Variants in AMPH observed in about 807,000 individuals in gnomAD.
The protein encoded by AMPH is amphiphysin (Stiff-Mann syndrome with breast cancer 128kD autoantigen).
In AMPH, 49 loss-of-function variants were observed where a neutral mutation model predicts 99.1. The observed-to-expected ratio is 0.49, with a 90% CI of 0.39 to 0.63. AMPH has a LOEUF of 0.63. Ranked by LOEUF, AMPH falls within the 20% of genes least tolerant of loss-of-function variation. The pLI, the probability that AMPH is intolerant of heterozygous loss-of-function variation, is 0.00. For missense variants in AMPH, 759 were observed against 863.4 expected (o/e 0.88, Z 1.52); for synonymous variants, 314 against 317.3 (o/e 0.99, Z 0.11).
chr7:38,540,692 CAAA>C (rs373768495), intron 1 of AMPH, among the ~76,000 whole-genome samples: 5 of 19,748 alleles, frequency 2.5e-4, no homozygotes, highest in African/African-American at 7.1e-4. Flanking sequence ...TGACCCCAAG[CAAA>C]AAAAAAAAAA....
intron 2 of AMPH, among the ~76,000 whole-genome samples, chr7:38,517,776 T>C (rs113641469): frequency 2.0e-5 from 3 of 152,270 alleles, no homozygotes; most frequent in East Asian, 1.9e-4. Flanking sequence ...AGCCTGACTA[T>C]GTAAAGAATA....
chr7:38,533,285 C>A (rs990656531), intron 2 of AMPH, among the ~76,000 whole-genome samples: 1 of 152,176 alleles, frequency 6.6e-6, no homozygotes, highest in Non-Finnish European at 1.5e-5. Flanking sequence ...AGCCAAAGCT[C>A]TCTGTAATAT....
At chr7:38,541,233 C>T (rs1429708246) in intron 1 of AMPH, among the ~76,000 whole-genome samples, 2 of 151,930 alleles carry the variant, frequency 1.3e-5, no homozygotes, top group Non-Finnish European at 2.9e-5. Flanking sequence ...CTGTGCTCAC[C>T]CTAACACTAC....
chr7:38,503,553 C>A lies in AMPH; in HGVS notation c.205+97G>T. 8.8e-6 allele frequency: 11 copies of A among 1,255,478 alleles called. No homozygotes were observed. In the South Asian group the frequency reaches 1.3e-4, roughly 14 times the overall value. 77.8% of individuals were successfully genotyped at this position (1,255,478 alleles called of 1,614,324 possible). On this transcript the variant is annotated intron_variant, in intron 3 of 20. Coordinates refer to ENST00000356264, the MANE Select transcript of AMPH (RefSeq NM_001635.4). ...TTCAAGCATCCATCTTGCCAGGAAG[C>A]CAAATGGCTTTGTAATTAACACTCA...
intron 2 of AMPH, among the ~76,000 whole-genome samples, chr7:38,522,084 A>G (rs1404084487): frequency 4.6e-5 from 7 of 152,188 alleles, no homozygotes. Context: ...GAGGTGGAGA[A>G]AAAAGAGACC....
At chr7:38,459,658 T>C (rs992000622) in intron 11 of AMPH, among the ~76,000 whole-genome samples, 1 of 152,020 alleles carries the variant, frequency 6.6e-6, no homozygotes, top group Non-Finnish European at 1.5e-5. Flanking sequence ...AAAATAAAAC[T>C]GGATCCCTGT....
intron 6 of AMPH, among the ~76,000 whole-genome samples, chr7:38,476,317 G>C (rs1759996706): frequency 6.6e-6 from 1 of 152,192 alleles, no homozygotes; most frequent in Admixed American, 6.5e-5. Flanking sequence ...GATGTAGAAA[G>C]ACCATTCAGG....
chr7:38,491,805 T>C (rs1788727542), intron 4 of AMPH, among the ~76,000 whole-genome samples: 1 of 152,172 alleles, frequency 6.6e-6, no homozygotes, highest in Non-Finnish European at 1.5e-5. Context: ...AGTTGATAAA[T>C]GACAGACACA....
At chr7:38,410,883 C>G (rs891796216) in intron 17 of AMPH, among the ~76,000 whole-genome samples, 3 of 152,196 alleles carry the variant, frequency 2.0e-5, no homozygotes, top group Admixed American at 2.0e-4. Context: ...ATTTCAACTC[C>G]TCAGCCACAA....
intron 14 of AMPH, chr7:38,428,935 G>A: frequency 9.1e-7 from 1 of 1,104,574 alleles, no homozygotes; most frequent in African/African-American, 1.6e-5. Context: ...AAGGTCTTAT[G>A]GTCTTCCTTT....
intron 20 of AMPH, among the ~76,000 whole-genome samples, chr7:38,389,106 G>A (rs1322735657): frequency 6.6e-6 from 1 of 152,090 alleles, no homozygotes; most frequent in Non-Finnish European, 1.5e-5. Context: ...ATTTTTTAAG[G>A]GGAGAGCTCA....
chr7:38,458,270 G>A (rs1392226220), intron 11 of AMPH, among the ~76,000 whole-genome samples: 1 of 151,970 alleles, frequency 6.6e-6, no homozygotes, highest in Non-Finnish European at 1.5e-5. Flanking sequence ...AGAATTAGTT[G>A]AATTCACAGC....
At chr7:38,446,016 G>A (rs141920864) in intron 11 of AMPH, among the ~76,000 whole-genome samples, 155 of 152,232 alleles carry the variant, frequency 1.0e-3, no homozygotes, top group East Asian at 5.8e-3. Context: ...ATAAAAGCTC[G>A]CTGAGGCCTC....
intron 1 of AMPH, among the ~76,000 whole-genome samples, chr7:38,556,821 C>A (rs1356879747): frequency 6.6e-6 from 1 of 152,042 alleles, no homozygotes; most frequent in Non-Finnish European, 1.5e-5. Flanking sequence ...AAGACGGCAA[C>A]AACAGACACT....
intron 1 of AMPH, among the ~76,000 whole-genome samples, chr7:38,591,031 T>C (rs1792836585): frequency 6.6e-6 from 1 of 152,210 alleles, no homozygotes; most frequent in Admixed American, 6.5e-5. Flanking sequence ...AAAGTTCATT[T>C]ATAAACAGGA....
At chr7:38,494,400 T>C (rs750833628) in intron 4 of AMPH, 33 bp downstream of exon 4, 17 of 1,579,200 alleles carry the variant, frequency 1.1e-5, no homozygotes, top group African/African-American at 2.7e-5. Flanking sequence ...GCAAGGGTCG[T>C]GGGAGCCTCA....
At chr7:38,406,527 T>A (rs1584047270) in intron 17 of AMPH, among the ~76,000 whole-genome samples, 2 of 151,984 alleles carry the variant, frequency 1.3e-5, no homozygotes, top group Admixed American at 1.3e-4. Context: ...AGATGGTTGG[T>A]GAAGTATTGT....
chr7:38,594,714 A>C (rs1792987825), intron 1 of AMPH, among the ~76,000 whole-genome samples: 1 of 152,098 alleles, frequency 6.6e-6, no homozygotes, highest in Admixed American at 6.6e-5. Context: ...GATTCTCCTG[A>C]TATTTACATG....
chr7:38,462,979 G>A lies in AMPH; in HGVS notation c.884C>T (p.Ser295Leu). The A allele has an allele frequency of 6.4e-7, 1 of 1,571,284 alleles. No homozygotes were observed. Among genetic ancestry groups the A allele is most frequent in the Non-Finnish European group, 8.6e-7 (1 of 1,159,520 alleles). The change falls in exon 10 of 21, where the codon TCA (serine) becomes TTA (leucine). Residue 295 changes from serine to leucine, a missense_variant. Transcript: ENST00000356264. ...SPAPARPRSP[S>L]QTRKGPPVPP... ...ATATATTTGACCTCTTCCTACCTGT[G>A]AAGGTGACCGAGGCCGTGCTGGTGC...
Sources: allele counts gnomAD v4.1 joint callset (sites outside exome capture counted in the v4.1 genomes callset), GRCh38; gene constraint gnomAD v4.1.1; transcripts MANE v1.5; gene names NCBI Gene and HGNC (gene_info 2026-07-23, HGNC 2026-07-21).